The following TMEM51 variants were observed in gnomAD, a reference collection of about 807,000 sequenced individuals.
TMEM51 encodes the protein transmembrane protein 51.
Under a neutral mutation model 13.6 loss-of-function variants are expected in TMEM51, and 8 were observed. That is an observed-to-expected ratio of 0.59 (90% CI 0.35 to 1.07). The LOEUF (loss-of-function observed/expected upper bound fraction) is 1.07, where lower values mean the gene tolerates loss of function less well. Among genes scored for constraint, TMEM51 ranks in the 50% least tolerant of loss-of-function variants. TMEM51 has a pLI of 0.02. For synonymous variants in TMEM51, 147 were observed against 144.4 expected, an observed-to-expected ratio of 1.02 and a Z score of -0.13; for missense variants, 279 against 330.7, an observed-to-expected ratio of 0.84 and a Z score of 1.21.
At chr1:15,187,527 G>A (rs1643818367) in intron 1 of TMEM51, among the ~76,000 whole-genome samples, 1 of 152,184 alleles carries the variant, frequency 6.6e-6, no homozygotes, top group Non-Finnish European at 1.5e-5. Flanking sequence ...GGGGCTGTCT[G>A]CCTGCTCTGT....
intron 1 of TMEM51, among the ~76,000 whole-genome samples, chr1:15,173,192 TG>T (rs1643348582): frequency 6.6e-6 from 1 of 150,662 alleles, no homozygotes; most frequent in South Asian, 2.1e-4. Flanking sequence ...CTTAGGAATC[TG>T]GGGTTTAACC....
At chr1:15,156,007 G>A (rs1642580344) in intron 1 of TMEM51, among the ~76,000 whole-genome samples, 2 of 152,174 alleles carry the variant, frequency 1.3e-5, no homozygotes, top group African/African-American at 4.8e-5. Flanking sequence ...GGGGCAGTGG[G>A]AATGAATGGG....
At chr1:15,185,708 C>G (rs1338264191) in intron 1 of TMEM51, among the ~76,000 whole-genome samples, 1 of 152,192 alleles carries the variant, frequency 6.6e-6, no homozygotes, top group Non-Finnish European at 1.5e-5. Context: ...AGGAATTTTA[C>G]CAGTCTGTGA....
At chr1:15,189,213 C>CTTTTTTTTCTTTTT (rs1643873787) in intron 1 of TMEM51, among the ~76,000 whole-genome samples, 1 of 92,830 alleles carries the variant, frequency 1.1e-5, no homozygotes, top group African/African-American at 4.3e-5. Context: ...CTAATTTTTC[C>CTTTTTTTTCTTTTT]TTTTTTTTTT....
At chr1:15,156,685 T>A (rs530260754) in intron 1 of TMEM51, among the ~76,000 whole-genome samples, 1 of 152,316 alleles carries the variant, frequency 6.6e-6, no homozygotes, top group African/African-American at 2.4e-5. Flanking sequence ...TCCTAGAATG[T>A]CTCAGGTGGA....
intron 1 of TMEM51, chr1:15,192,470 T>TA (rs1553201487): frequency 1.6e-4 from 41 of 250,802 alleles, no homozygotes; most frequent in African/African-American, 4.7e-4. Flanking sequence ...CCTTTTTTTT[T>TA]ATGACAGAAT....
intron 1 of TMEM51, chr1:15,168,690 C>T (rs1374281369): frequency 5.4e-6 from 7 of 1,304,372 alleles, no homozygotes; most frequent in Middle Eastern, 2.1e-4. Context: ...TTAGAACACG[C>T]GTACTGTCTC....
intron 1 of TMEM51, among the ~76,000 whole-genome samples, chr1:15,204,917 C>T (rs999751624): frequency 6.6e-6 from 1 of 152,002 alleles, no homozygotes; most frequent in South Asian, 2.1e-4. Flanking sequence ...TGCTGTTGTC[C>T]CCAGAGACAC....
intron 1 of TMEM51, among the ~76,000 whole-genome samples, chr1:15,182,743 A>G (rs1265478528): frequency 6.6e-6 from 1 of 152,206 alleles, no homozygotes; most frequent in Admixed American, 6.5e-5. Context: ...CCAGCCTGAC[A>G]GAGGACACAG....
At chr1:15,176,250 A>G (rs910579737) in intron 1 of TMEM51, among the ~76,000 whole-genome samples, 3 of 152,218 alleles carry the variant, frequency 2.0e-5, no homozygotes, top group East Asian at 1.9e-4. Flanking sequence ...GCCCAGTGTT[A>G]GAGGAGTCCC....
At chr1:15,214,852 TC>T (rs1181737543) in intron 2 of TMEM51, 42 bp from the exon 3 acceptor site, 1 of 535,734 alleles carries the variant, frequency 1.9e-6, no homozygotes, top group Non-Finnish European at 3.3e-6. Context: ...GCGTCTGGAA[TC>T]GGAACTGATC....
At chr1:15,176,843 G>A (rs1643470184) in intron 1 of TMEM51, among the ~76,000 whole-genome samples, 1 of 152,234 alleles carries the variant, frequency 6.6e-6, no homozygotes, top group Non-Finnish European at 1.5e-5. Flanking sequence ...GGGCCTGAAA[G>A]CTAGGGAAGA....
chr1:15,179,729 C>T (rs116033447), intron 1 of TMEM51, among the ~76,000 whole-genome samples: 2,280 of 152,284 alleles, frequency 0.015, 37 homozygotes, highest in Admixed American at 0.039. Flanking sequence ...CTGCAGTGAG[C>T]CAAGATCATG....
chr1:15,152,647 A>AC (rs1642435315), upstream of TMEM51: 2 of 152,196 alleles, frequency 1.3e-5, no homozygotes, highest in African/African-American at 2.4e-5. Context: ...TCAGAGAGGG[A>AC]ATGGGAGCTG....
rs1273008850 is a variant in TMEM51, at chr1:15,184,173, T to C, written c.-266-26317T>C. On this transcript the variant is annotated intron_variant, in intron 1 of 3. Coordinates refer to ENST00000376008, the MANE Select transcript of TMEM51 (RefSeq NM_001136218.2). The stretch of plus-strand genomic sequence containing the variant: ...CCTGCACAGCCTCCCGAGTCAGGCG[T>C]GCGCCACCACACCAGGATAATATTT... Among the ~76,000 whole-genome samples the C allele has an allele frequency of 5.3e-5, 5 of 94,286 alleles. 1 individual carries two copies. The Admixed American group carries it at 6.1e-4, about 12-fold the overall frequency. The allele number at this position is 94,286 out of a possible 152,430, so 61.9% of individuals were successfully genotyped here. A position where few individuals can be genotyped will look rare whatever the true frequency, so the allele number is the denominator to read the frequency against.
chr1:15,215,641 A>G (rs539252372), intron 3 of TMEM51, among the ~76,000 whole-genome samples: 11 of 152,264 alleles, frequency 7.2e-5, no homozygotes, highest in Non-Finnish European at 1.6e-4. Flanking sequence ...CATGGTACAA[A>G]TGGATTACAG....
chr1:15,215,338 G>A lies in TMEM51; in HGVS notation c.251G>A (p.Ser84Asn), dbSNP rs1233218574. 6.2e-7 allele frequency: 1 copy of A among 1,613,996 alleles called. No individual in the cohort carries two copies. The highest frequency in any genetic ancestry group is 8.5e-7 in the Non-Finnish European group (1 of 1,180,046). Residue 84 changes from serine (S) to asparagine (N), a missense_variant, in exon 3 of 4, where the codon AGT (serine) becomes AAT (asparagine). Physicochemically the swap from Ser to Asn is conservative, Grantham distance 46 (BLOSUM62 1). Coordinates refer to ENST00000376008, the MANE Select transcript of TMEM51 (RefSeq NM_001136218.2). Reference sequence around the variant, plus strand: ...CTGCTGCTGCTTTCTATCTGCCTGAGTATCAGGGATAAGAGGAAGCAGCGG... The same window carrying A: ...CTGCTGCTGCTTTCTATCTGCCTGAATATCAGGGATAAGAGGAAGCAGCGG... ...VMLLLLSICL[S>N]IRDKRKQRQG...
chr1:15,194,734 G>A (rs1009278964), intron 1 of TMEM51, among the ~76,000 whole-genome samples: 2 of 151,988 alleles, frequency 1.3e-5, no homozygotes, highest in Non-Finnish European at 2.9e-5. Context: ...GTTGGCTGTG[G>A]TCTTGTACAT....
Position 15,219,855 on chromosome 1 carries a change from A to G in TMEM51, c.*112A>G. The G allele has an allele frequency of 7.0e-6, 9 of 1,285,578 alleles. No homozygotes were observed. The highest frequency in any genetic ancestry group is 9.6e-6 in the Non-Finnish European group (9 of 938,058). 79.6% of individuals were successfully genotyped at this position (1,285,578 alleles called of 1,614,324 possible). On this transcript the variant is annotated 3_prime_UTR_variant, in exon 4 of 4. Coordinates refer to ENST00000376008, the MANE Select transcript of TMEM51 (RefSeq NM_001136218.2). ...AAGCGGAGGGGCCAGCTGTGCATGG[A>G]GCCATTTGGATGGCGGCGGGCGGGG...
Sources: allele counts gnomAD v4.1 joint callset (sites outside exome capture counted in the v4.1 genomes callset), GRCh38; gene constraint gnomAD v4.1.1; transcripts MANE v1.5; gene names NCBI Gene and HGNC (gene_info 2026-07-23, HGNC 2026-07-21).